The following SLCO1B1 variants were observed in gnomAD, a reference collection of about 807,000 sequenced individuals.
SLCO1B1 encodes solute carrier organic anion transporter family member 1B1, also known as OATP-2.
A neutral mutation model predicts 70.1 loss-of-function variants in SLCO1B1; 81 were observed. The ratio of observed to expected loss-of-function variants is 1.16; its 90% CI spans 0.97 to 1.39. SLCO1B1 has a LOEUF of 1.39. Ranked by LOEUF, SLCO1B1 falls within the 40% of genes most tolerant of loss-of-function variation. SLCO1B1 has a pLI of 0.00. For synonymous variants in SLCO1B1, 283 were observed against 271.5 expected (o/e 1.04, Z -0.42); for missense variants, 895 against 799.6 (o/e 1.12, Z -1.44).
chr12:21,229,966 T>C (rs717959), intron 14 of SLCO1B1, among the ~76,000 whole-genome samples: 49,224 of 152,064 alleles, frequency 0.32, 8,454 homozygotes, highest in East Asian at 0.45. Flanking sequence ...GACTTTGAGT[T>C]TCTCACTATT....
intron 2 of SLCO1B1, among the ~76,000 whole-genome samples, chr12:21,161,663 A>C (rs7301251): frequency 0.99 from 150,324 of 152,184 alleles, 74,276 homozygotes; most frequent in East Asian, 1. Context: ...ACCTCTGAAC[A>C]TAAAAGTTAG....
At chr12:21,184,073 A>G (rs994349131) in intron 7 of SLCO1B1, among the ~76,000 whole-genome samples, 2 of 152,140 alleles carry the variant, frequency 1.3e-5, no homozygotes, top group Admixed American at 1.3e-4. Context: ...AAAAATGAAG[A>G]AAACTTCTAG....
At chr12:21,156,380 A>G (rs1940543209) in intron 2 of SLCO1B1, among the ~76,000 whole-genome samples, 1 of 152,312 alleles carries the variant, frequency 6.6e-6, no homozygotes, top group East Asian at 1.9e-4. Context: ...GCTAAATCTA[A>G]TGATATAGGC....
chr12:21,231,158 CT>C lies in SLCO1B1; in HGVS notation c.1865+6325del, dbSNP rs565667996. The stretch of plus-strand genomic sequence containing the variant: ...TCCCTACAAAGGACATGAACTCATC[CT>C]TTTTTATGGCTGCATAGTATTCCAT... On this transcript the variant is annotated intron_variant, in intron 14 of 14. Coordinates refer to ENST00000256958, the MANE Select transcript of SLCO1B1 (RefSeq NM_006446.5). Among the ~76,000 whole-genome samples the C allele has an allele frequency of 2.2e-3, 340 of 152,024 alleles. 3 individuals are homozygous for C. Among genetic ancestry groups the C allele is most frequent in the African/African-American group, 7.9e-3 (326 of 41,456 alleles).
At chr12:21,133,074 A>G (rs1164896975) in intron 1 of SLCO1B1, among the ~76,000 whole-genome samples, 2 of 152,090 alleles carry the variant, frequency 1.3e-5, no homozygotes, top group Non-Finnish European at 2.9e-5. Flanking sequence ...TCCCAGCATC[A>G]TTTATTAAAT....
At chr12:21,183,782 C>T (rs1457341099) in intron 7 of SLCO1B1, among the ~76,000 whole-genome samples, 2 of 152,080 alleles carry the variant, frequency 1.3e-5, no homozygotes, top group African/African-American at 2.4e-5. Flanking sequence ...ACAGGCAATT[C>T]GGAATCTGGA....
intron 2 of SLCO1B1, among the ~76,000 whole-genome samples, chr12:21,170,489 G>T (rs542814697): frequency 2.0e-5 from 3 of 152,220 alleles, no homozygotes; most frequent in East Asian, 3.9e-4. Flanking sequence ...TTAATAAAAT[G>T]ATTTTTTAAT....
chr12:21,234,777 C>G (rs1037818476), intron 14 of SLCO1B1, among the ~76,000 whole-genome samples: 1 of 152,072 alleles, frequency 6.6e-6, no homozygotes, highest in African/African-American at 2.4e-5. Flanking sequence ...AAATTGTGTT[C>G]TGCTCTAATT....
chr12:21,179,844 T>C (rs1278633094), intron 7 of SLCO1B1, among the ~76,000 whole-genome samples: 1 of 152,096 alleles, frequency 6.6e-6, no homozygotes, highest in Non-Finnish European at 1.5e-5. Flanking sequence ...TCTTTATATG[T>C]AGATACAGTT....
chr12:21,201,279 C>A (rs1941154356), intron 9 of SLCO1B1, among the ~76,000 whole-genome samples: 1 of 152,014 alleles, frequency 6.6e-6, no homozygotes, highest in Non-Finnish European at 1.5e-5. Flanking sequence ...AACAACTTAT[C>A]ATGTGGTATG....
chr12:21,131,761 G>A (rs1179945572), intron 1 of SLCO1B1, among the ~76,000 whole-genome samples: 4 of 152,002 alleles, frequency 2.6e-5, no homozygotes, highest in South Asian at 2.1e-4. Context: ...ACAGGGTGAA[G>A]GGAAATATAT....
chr12:21,147,513 A>T (rs972601608), intron 2 of SLCO1B1, among the ~76,000 whole-genome samples: 2 of 152,102 alleles, frequency 1.3e-5, no homozygotes, highest in Non-Finnish European at 2.9e-5. Flanking sequence ...ACTCCCACTT[A>T]TGAGTGGGAA....
At chr12:21,157,564 A>G (rs1940557643) in intron 2 of SLCO1B1, among the ~76,000 whole-genome samples, 1 of 151,964 alleles carries the variant, frequency 6.6e-6, no homozygotes, top group Admixed American at 6.6e-5. Context: ...AAATAATTAC[A>G]AATGTTCAGA....
chr12:21,165,832 C>A (rs1940677596), intron 2 of SLCO1B1, among the ~76,000 whole-genome samples: 2 of 152,078 alleles, frequency 1.3e-5, no homozygotes, highest in African/African-American at 4.8e-5. Flanking sequence ...ACTTCTCACC[C>A]TTCAGAACTG....
chr12:21,215,049 A>G (rs915672105), intron 11 of SLCO1B1, among the ~76,000 whole-genome samples: 1 of 152,234 alleles, frequency 6.6e-6, no homozygotes, highest in South Asian at 2.1e-4. Context: ...TGGGAGCTGT[A>G]GACCGGAGCT....
chr12:21,208,805 C>A (rs113541422), intron 11 of SLCO1B1, among the ~76,000 whole-genome samples: 1 of 151,976 alleles, frequency 6.6e-6, no homozygotes, highest in Non-Finnish European at 1.5e-5. Flanking sequence ...TTTCTTTCAT[C>A]AGGGTTTGTA....
intron 5 of SLCO1B1, 77 bp downstream of exon 5, chr12:21,176,974 T>C: frequency 9.0e-7 from 1 of 1,114,568 alleles, no homozygotes; most frequent in Non-Finnish European, 1.4e-6. Context: ...TGTTGTGATA[T>C]TCATTAGCAA....
At position 21,203,324 on chromosome 12, in the gene SLCO1B1, A is replaced by T. The variant is rs115154901; in HGVS notation, c.1331+638A>T. Among the ~76,000 whole-genome samples the T allele has an allele frequency of 2.4e-3, 370 of 152,176 alleles. 4 individuals carry two copies. The highest frequency in any genetic ancestry group is 8.4e-3 in the African/African-American group (347 of 41,554). On this transcript the variant is annotated intron_variant, in intron 10 of 14. Coordinates refer to ENST00000256958, the MANE Select transcript of SLCO1B1 (RefSeq NM_006446.5). ...ATTGAAGAATCTTTACTTTTCCATGATTACCATGTATAGCAAAGTATTTTT... is the reference window on the plus strand; with the variant it reads ...ATTGAAGAATCTTTACTTTTCCATGTTTACCATGTATAGCAAAGTATTTTT...
At position 21,184,658 on chromosome 12, in the gene SLCO1B1, TACTC is replaced by T. The variant is rs559692047; in HGVS notation, c.727+5642_727+5645del. 1.7e-3 allele frequency among the ~76,000 whole-genome samples: 252 copies of T among 152,194 alleles called. 1 individual carries two copies. Among genetic ancestry groups the T allele is most frequent in the African/African-American group, 5.7e-3 (238 of 41,530 alleles). ...AAAGATTAATACTTGCCACAACAAA[TACTC>T]ACTTAAATAGGTAGCCCAGACACAT... On this transcript the variant is annotated intron_variant, in intron 7 of 14. Coordinates refer to ENST00000256958, the MANE Select transcript of SLCO1B1 (RefSeq NM_006446.5).
Sources: gnomAD v4.1 joint callset for allele counts (sites outside exome capture counted in the v4.1 genomes callset) on GRCh38, gnomAD v4.1.1 for gene constraint, MANE v1.5 for transcripts, NCBI Gene and HGNC (gene_info 2026-07-23, HGNC 2026-07-21) for gene names.